Variants in TMC2 observed in about 807,000 individuals in gnomAD.
TMC2 encodes transmembrane channel like 2.
Under a neutral mutation model 105.9 loss-of-function variants are expected in TMC2, and 102 were observed. That is an observed-to-expected ratio of 0.96 (90% CI 0.82 to 1.14). TMC2 has a LOEUF of 1.14. TMC2 is among the 50% of genes most tolerant of loss of function. TMC2 has a pLI of 0.00. For missense variants in TMC2, 1,093 were observed against 1,134.3 expected, an observed-to-expected ratio of 0.96 and a Z score of 0.52; for synonymous variants, 402 against 422.8, an observed-to-expected ratio of 0.95 and a Z score of 0.60.
At chr20:2,589,270 C>CTGTGTGTGTGTG (rs750496572) in intron 7 of TMC2, among the ~76,000 whole-genome samples, 5,069 of 115,748 alleles carry the variant, frequency 0.044, 267 homozygotes, top group African/African-American at 0.068. Flanking sequence ...CCTATTTGCC[C>CTGTGTGTGTGTG]TGTGTGTGTG....
chr20:2,574,157 T>C (rs73583397), intron 5 of TMC2, among the ~76,000 whole-genome samples: 16,012 of 152,298 alleles, frequency 0.11, 972 homozygotes, highest in African/African-American at 0.15. Flanking sequence ...TCATTGGAAA[T>C]AGATAATTAG....
chr20:2,589,454 A>G (rs2086254132), intron 7 of TMC2, among the ~76,000 whole-genome samples: 1 of 151,992 alleles, frequency 6.6e-6, no homozygotes, highest in South Asian at 2.1e-4. Flanking sequence ...CCCTTTGACT[A>G]TTCCAAAGTT....
chr20:2,561,768 T>A (rs2086027444), intron 3 of TMC2, 90 bp from the exon 4 acceptor site: 1 of 1,461,748 alleles, frequency 6.8e-7, no homozygotes, highest in African/African-American at 1.4e-5. Flanking sequence ...AGGGGTGCCA[T>A]CTTCCATGGG....
At chr20:2,564,150 C>T (rs1299986486) in intron 4 of TMC2, among the ~76,000 whole-genome samples, 13 of 120,066 alleles carry the variant, frequency 1.1e-4, no homozygotes, top group South Asian at 2.6e-4. Context: ...TCAGCCTCCT[C>T]TTTTTTTTTT....
intron 7 of TMC2, among the ~76,000 whole-genome samples, chr20:2,586,246 C>CT (rs142020046): frequency 7.4e-4 from 112 of 152,220 alleles, no homozygotes; most frequent in African/African-American, 2.5e-3. Context: ...TACCATGAGA[C>CT]TAAAAAGATG....
At position 2,624,316 on chromosome 20, in the gene TMC2, C is replaced by G; in HGVS notation, c.2226C>G (p.Asn742Lys). 1.1e-5 allele frequency: 18 copies of G among 1,614,182 alleles called. No individual in the cohort carries two copies. Among genetic ancestry groups the G allele is most frequent in the Non-Finnish European group, 1.5e-5 (18 of 1,180,008 alleles). The change falls in exon 17 of 20, where the codon AAC (asparagine) becomes AAG (lysine). Residue 742 changes from asparagine to lysine, a missense_variant. Coordinates refer to ENST00000358864, the MANE Select transcript of TMC2 (RefSeq NM_080751.3). ...MYDVLQETIE[N>K]DFPTFLGKIF... ...ATGTCCTCCAAGAGACCATTGAAAACGATTTCCCAACCTTCCTGGGCAAGA... is the reference window on the plus strand; with the variant it reads ...ATGTCCTCCAAGAGACCATTGAAAAGGATTTCCCAACCTTCCTGGGCAAGA...
At chr20:2,584,525 A>G in intron 7 of TMC2, among the ~76,000 whole-genome samples, 1 of 151,974 alleles carries the variant, frequency 6.6e-6, no homozygotes, top group East Asian at 1.9e-4. Flanking sequence ...TATTACACAC[A>G]CACTGAAGTC....
At position 2,560,266 on chromosome 20, in the gene TMC2, C is replaced by CA. The variant is rs11290538; in HGVS notation, c.401+1506dup. On this transcript the variant is annotated intron_variant, in intron 3 of 19. Coordinates refer to ENST00000358864, the MANE Select transcript of TMC2 (RefSeq NM_080751.3). The stretch of plus-strand genomic sequence containing the variant: ...TCAATTGGGTGTGCATGAAGTATGG[C>CA]AAAAAAAAAAAAAATATCTCTGTGT... Among the ~76,000 whole-genome samples the CA allele has an allele frequency of 4.2e-3, 617 of 146,568 alleles. 6 individuals carry two copies. Among genetic ancestry groups the CA allele is most frequent in the African/African-American group, 0.011 (452 of 39,852 alleles).
chr20:2,616,787 G>T lies in TMC2; in HGVS notation c.1941-285G>T, dbSNP rs147585027. On this transcript the variant is annotated intron_variant, in intron 15 of 19. Transcript: ENST00000358864. The surrounding 1 kb of genome is among the most constrained non-coding windows in gnomAD (Gnocchi z 4.8). ...TTTTATGGAAACCGAGGAGAAACAGGCAGGAGACCGTATAATTTGCTAGAT... is the reference window on the plus strand; with the variant it reads ...TTTTATGGAAACCGAGGAGAAACAGTCAGGAGACCGTATAATTTGCTAGAT... Among the ~76,000 whole-genome samples, 706 of 152,338 alleles carry T rather than the reference G, an allele frequency of 4.6e-3. 7 individuals are homozygous for T. The highest frequency in any genetic ancestry group is 0.016 in the African/African-American group (666 of 41,576).
At position 2,643,144 on chromosome 20, in the gene TMC2, G is replaced by A. The variant is rs2086699825; in HGVS notation, c.*1793G>A. ...ACCAATCTCTCCTGGCAAGGCTAAC[G>A]AAGATGTTGCAATGCCTGATTTCCA... On this transcript the variant is annotated 3_prime_UTR_variant, in exon 20 of 20. Transcript: ENST00000358864. Among the ~76,000 whole-genome samples the A allele has an allele frequency of 2.0e-5, 3 of 152,160 alleles. No individual in the cohort carries two copies. Among genetic ancestry groups the A allele is most frequent in the Admixed American group, 6.5e-5 (1 of 15,282 alleles).
intron 14 of TMC2, among the ~76,000 whole-genome samples, chr20:2,614,746 G>T (rs188394469): frequency 5.1e-4 from 78 of 152,124 alleles, no homozygotes; most frequent in Admixed American, 2.2e-3. Flanking sequence ...ATCTACATGG[G>T]CCTTTAGTTT....
intron 1 of TMC2, 116 bp from the exon 2 acceptor site, chr20:2,537,153 G>A (rs2085855128): frequency 1.2e-6 from 1 of 832,230 alleles, no homozygotes; most frequent in Non-Finnish European, 2.0e-6. Flanking sequence ...CATTGGAGCT[G>A]GGTCCCAGTT....
rs2422819 is a variant in TMC2 at position 2,643,019 on chromosome 20, C to T, written c.*1668C>T. 0.75 allele frequency among the ~76,000 whole-genome samples: 113,981 copies of T among 152,018 alleles called. 42,899 individuals carry two copies. The highest frequency in any genetic ancestry group is 0.87 in the East Asian group (4,488 of 5,178). On this transcript the variant is annotated 3_prime_UTR_variant, in exon 20 of 20. Transcript: ENST00000358864. ...AATTTCTAACTTCCCTCCCAAATCC[C>T]TTCCCTTCTCAATCCAGCACCAAAA...
intron 3 of TMC2, among the ~76,000 whole-genome samples, chr20:2,559,683 A>G (rs1280148131): frequency 6.6e-6 from 1 of 152,074 alleles, no homozygotes; most frequent in East Asian, 1.9e-4. Context: ...ACCTTTACAG[A>G]GAGGCTTTTA....
At chr20:2,635,398 C>T (rs1600143825) in intron 17 of TMC2, among the ~76,000 whole-genome samples, 1 of 152,162 alleles carries the variant, frequency 6.6e-6, no homozygotes. Flanking sequence ...GTGTTGGTTT[C>T]CAATGTGGGC....
At chr20:2,637,986 A>C (rs2086660859) in intron 19 of TMC2, among the ~76,000 whole-genome samples, 1 of 152,204 alleles carries the variant, frequency 6.6e-6, no homozygotes, top group Admixed American at 6.5e-5. Context: ...CATTGTAGCA[A>C]AACACATTAC....
rs769104197 is a variant in TMC2, at chr20:2,592,349, A to G, written c.874A>G (p.Thr292Ala). 1.2e-6 allele frequency: 2 copies of G among 1,614,104 alleles called. No individual in the cohort carries two copies. The highest frequency in any genetic ancestry group is 3.3e-5 in the Admixed American group (2 of 60,018). ...GMPYGSIPRK[T>A]VPRAEEEKAM... ...GCCCTATGGGAGTATTCCCAGAAAG[A>G]CAGTGCCTCGGGCTGAGGAAGAAAA... Residue 292 changes from threonine to alanine, a missense_variant, in exon 8 of 20, where the codon ACA (threonine) becomes GCA (alanine). Transcript: ENST00000358864. The surrounding 1 kb of genome is among the most constrained non-coding windows in gnomAD (Gnocchi z 4.9).
At chr20:2,540,271 G>A (rs148268284) in intron 2 of TMC2, among the ~76,000 whole-genome samples, 1,846 of 151,920 alleles carry the variant, frequency 0.012, 40 homozygotes, top group African/African-American at 0.042. Context: ...TTACAGGTGT[G>A]AGCCTCCGTG....
chr20:2,589,270 C>CTGTGTGTGTGTGTGTGTGTGTGTG lies in TMC2; in HGVS notation c.835-3009_835-2986dup, dbSNP rs750496572. Among the ~76,000 whole-genome samples the CTGTGTGTGTGTGTGTGTGTGTGTG allele has an allele frequency of 2.6e-3, 298 of 116,278 alleles. 11 individuals carry two copies. Among genetic ancestry groups the CTGTGTGTGTGTGTGTGTGTGTGTG allele is most frequent in the East Asian group, 0.014 (47 of 3,358 alleles). The allele number at this position is 116,278 out of a possible 152,430, so 76.3% of individuals were successfully genotyped here. On this transcript the variant is annotated intron_variant, in intron 7 of 19. Transcript: ENST00000358864. ...TTTTCCAGATATCTTCCTATTTGCC[C>CTGTGTGTGTGTGTGTGTGTGTGTG]TGTGTGTGTGTGTGTGTGTGTGTGT...
Sources: allele counts gnomAD v4.1 joint callset (sites outside exome capture counted in the v4.1 genomes callset), GRCh38; gene constraint gnomAD v4.1.1; non-coding constraint Gnocchi (gnomAD v3.1); transcripts MANE v1.5; gene names NCBI Gene and HGNC (gene_info 2026-07-23, HGNC 2026-07-21).